The following PUM3 variants were observed in gnomAD, a reference collection of about 807,000 sequenced individuals.
PUM3 encodes the protein pumilio homolog 3.
In PUM3, 91 loss-of-function variants were observed where a neutral mutation model predicts 84.0. The ratio of observed to expected loss-of-function variants is 1.08; its 90% CI spans 0.91 to 1.29. The LOEUF is 1.29. Ranked by LOEUF, PUM3 falls within the 50% of genes most tolerant of loss-of-function variation. PUM3 has a pLI of 0.00. For missense variants in PUM3, 1,067 were observed against 767.5 expected, an observed-to-expected ratio of 1.39 and a Z score of -4.61; for synonymous variants, 321 against 266.7, an observed-to-expected ratio of 1.20 and a Z score of -1.98.
Position 2,823,809 on chromosome 9 carries a change from A to G in PUM3, c.1160T>C (p.Met387Thr). 6.5e-7 allele frequency: 1 copy of G among 1,530,088 alleles called. No homozygotes were observed. The highest frequency in any genetic ancestry group is 8.9e-7 in the Non-Finnish European group (1 of 1,120,626). The allele number at this position is 1,530,088 out of a possible 1,614,324, so 94.8% of individuals were successfully genotyped here. A position where few individuals can be genotyped will look rare whatever the true frequency, so the allele number is the denominator to read the frequency against. Residue 387 changes from methionine to threonine, a missense_variant, in exon 12 of 18, where the codon ATG (methionine) becomes ACG (threonine). Met to Thr is a moderately conservative substitution (Grantham distance 81). Coordinates refer to ENST00000397885, the MANE Select transcript of PUM3 (RefSeq NM_014878.5). ...PKDRKVIVKTMKTYVEKVANG... is the reference protein window; with the variant it reads ...PKDRKVIVKTTKTYVEKVANG... ...AGCCACCTTTTCAACATAAGTCTTCATTGTTTTCACAATCACTTTCCTGTC... is the reference window on the plus strand; with the variant it reads ...AGCCACCTTTTCAACATAAGTCTTCGTTGTTTTCACAATCACTTTCCTGTC...
intron 12 of PUM3, among the ~76,000 whole-genome samples, chr9:2,822,263 T>A (rs117457836): frequency 6.6e-6 from 1 of 152,146 alleles, no homozygotes; most frequent in Non-Finnish European, 1.5e-5. Flanking sequence ...TTTGATCTAA[T>A]TGACAAATAT....
chr9:2,806,182 G>T (rs1367962864), intron 17 of PUM3, among the ~76,000 whole-genome samples: 1 of 152,130 alleles, frequency 6.6e-6, no homozygotes, highest in Non-Finnish European at 1.5e-5. Flanking sequence ...GAAATTTCCA[G>T]TTAATTGAGT....
Position 2,807,796 on chromosome 9 carries a change from G to A in PUM3, c.1814+18C>T. 6.5e-7 allele frequency: 1 copy of A among 1,533,460 alleles called. No individual in the cohort carries two copies. Among genetic ancestry groups the A allele is most frequent in the Non-Finnish European group, 9.0e-7 (1 of 1,107,638 alleles). 95.0% of individuals were successfully genotyped at this position (1,533,460 alleles called of 1,614,324 possible). A position where few individuals can be genotyped will look rare whatever the true frequency, so the allele number is the denominator to read the frequency against. On this transcript the variant is annotated intron_variant, in intron 17 of 17. Transcript: ENST00000397885. The stretch of plus-strand genomic sequence containing the variant: ...CATGACCAGGCCCTGCTCAGAGAAG[G>A]GCACATGTTATACATACCTAGAAAG...
chr9:2,815,864 A>T (rs910582913), intron 13 of PUM3, among the ~76,000 whole-genome samples: 21 of 152,222 alleles, frequency 1.4e-4, no homozygotes, highest in Admixed American at 6.5e-5. Context: ...ATTTCTTCTT[A>T]AGCTCTAAAG....
At position 2,833,469 on chromosome 9, in the gene PUM3, A is replaced by G. The variant is rs185998968; in HGVS notation, c.441-37T>C. 3.3e-4 allele frequency: 397 copies of G among 1,191,394 alleles called. 8 individuals are homozygous for G. In the East Asian group the frequency reaches 6.9e-3, roughly 21 times the overall value. 73.8% of individuals were successfully genotyped at this position (1,191,394 alleles called of 1,614,324 possible). A position where few individuals can be genotyped will look rare whatever the true frequency, so the allele number is the denominator to read the frequency against. The stretch of plus-strand genomic sequence containing the variant: ...GAGAGGAAGGAAACACAGTTGAAAT[A>G]AAGAAGTTATTTTAAACACACAAAA... On this transcript the variant is annotated intron_variant, in intron 4 of 17. Coordinates refer to ENST00000397885, the MANE Select transcript of PUM3 (RefSeq NM_014878.5).
At chr9:2,834,754 T>G (rs1403630926) in intron 3 of PUM3, among the ~76,000 whole-genome samples, 1 of 152,128 alleles carries the variant, frequency 6.6e-6, no homozygotes, top group African/African-American at 2.4e-5. Flanking sequence ...GAAACAACCC[T>G]CTGCTGTCTT....
chr9:2,827,569 T>C (rs986696610), intron 9 of PUM3, among the ~76,000 whole-genome samples: 1 of 152,240 alleles, frequency 6.6e-6, no homozygotes, highest in African/African-American at 2.4e-5. Context: ...AAAATAATTT[T>C]AGCAGAATTA....
chr9:2,817,600 CAT>C (rs1293470039), intron 13 of PUM3, among the ~76,000 whole-genome samples: 5 of 152,054 alleles, frequency 3.3e-5, no homozygotes, highest in Admixed American at 1.3e-4. Flanking sequence ...AAATTAGATA[CAT>C]GTTTTACAAA....
intron 16 of PUM3, 28 bp downstream of exon 16, chr9:2,810,316 C>A (rs760456537): frequency 7.0e-7 from 1 of 1,438,282 alleles, no homozygotes. Context: ...ACATGAGATA[C>A]AAGAAAAGGT....
intron 13 of PUM3, 149 bp from the exon 14 acceptor site, chr9:2,812,511 G>A: frequency 1.7e-6 from 1 of 579,528 alleles, no homozygotes; most frequent in Non-Finnish European, 3.0e-6. Context: ...CTGCCAAAGT[G>A]AGCACAATGT....
chr9:2,824,554 T>C (rs1003381521), intron 11 of PUM3, among the ~76,000 whole-genome samples, 163 bp downstream of exon 11: 1 of 152,252 alleles, frequency 6.6e-6, no homozygotes, highest in Admixed American at 6.5e-5. Flanking sequence ...CTAAAGAAGA[T>C]GGCTCATTCC....
intron 13 of PUM3, 94 bp downstream of exon 13, chr9:2,819,924 G>T (rs1301432902): frequency 4.1e-6 from 3 of 725,158 alleles, no homozygotes; most frequent in Non-Finnish European, 7.2e-6. Flanking sequence ...AGGCACAGCT[G>T]CAAGTCTTTA....
chr9:2,840,162 A>G (rs1022345945), intron 1 of PUM3, among the ~76,000 whole-genome samples: 1 of 152,228 alleles, frequency 6.6e-6, no homozygotes, highest in Non-Finnish European at 1.5e-5. Context: ...CAAGAGGTAC[A>G]TGACATTAAC....
At chr9:2,816,733 G>A (rs1821477415) in intron 13 of PUM3, among the ~76,000 whole-genome samples, 1 of 152,176 alleles carries the variant, frequency 6.6e-6, no homozygotes, top group African/African-American at 2.4e-5. Context: ...AGCCCTGGGT[G>A]AGATCATGAT....
chr9:2,829,459 T>C (rs1316191340), intron 8 of PUM3, among the ~76,000 whole-genome samples: 3 of 152,202 alleles, frequency 2.0e-5, no homozygotes, highest in Non-Finnish European at 4.4e-5. Flanking sequence ...GTCACACAAC[T>C]TTGCTAACTA....
In PUM3 at chr9:2,812,343, G is replaced by C. The variant is rs191107173; in HGVS notation, c.1289C>G (p.Pro430Arg). 2 of 1,574,604 alleles carry C rather than the reference G, an allele frequency of 1.3e-6. No individual in the cohort carries two copies. The highest frequency in any genetic ancestry group is 2.2e-5 in the East Asian group (1 of 44,680). The change falls in exon 14 of 18, where the codon CCT becomes CGT. Residue 430 changes from proline (P) to arginine (R), a missense_variant. Pro to Arg is a moderately radical substitution (Grantham distance 103). Coordinates refer to ENST00000397885, the MANE Select transcript of PUM3 (RefSeq NM_014878.5). ...TCCATATTTGTCATTTACTATGCTA[G>C]GCAATGAACTGATAATTTCCTATAA... is the stretch of plus-strand genomic sequence containing the variant. ...IIISEIISSL[P>R]SIVNDKYGRK...
chr9:2,830,018 T>G (rs1174971759), intron 7 of PUM3, 70 bp from the exon 8 acceptor site: 17 of 1,399,564 alleles, frequency 1.2e-5, no homozygotes, highest in Admixed American at 5.4e-5. Flanking sequence ...AAACACAACT[T>G]ACTTCTCCCA....
Position 2,831,350 on chromosome 9 carries a change from G to T in PUM3, c.517-6C>A. ...GAATCGTGTGCAAATGCAATCTGCA[G>T]GAAAAAGTTTGAGTTAGACTAATTC... On this transcript the variant is annotated splice_region_variant and splice_polypyrimidine_tract_variant and intron_variant, in intron 5 of 17. Transcript: ENST00000397885. The T allele has an allele frequency of 6.3e-7, 1 of 1,586,902 alleles. No individual in the cohort carries two copies. Among genetic ancestry groups the T allele is most frequent in the Non-Finnish European group, 8.6e-7 (1 of 1,160,478 alleles).
In PUM3 at chr9:2,815,846, T is replaced by C. The variant is rs530168838; in HGVS notation, c.1270-3484A>G. Among the ~76,000 whole-genome samples the C allele has an allele frequency of 8.5e-5, 13 of 152,332 alleles. No homozygotes were observed. The East Asian group carries it at 2.5e-3, about 29-fold the overall frequency. On this transcript the variant is annotated intron_variant, in intron 13 of 17. Transcript: ENST00000397885. ...TTACAGAAAATTCACAAAGGCCCAT[T>C]TATTGTAATTTCTTCTTAAGCTCTA...
Sources: gnomAD v4.1 joint callset for allele counts (sites outside exome capture counted in the v4.1 genomes callset) on GRCh38, gnomAD v4.1.1 for gene constraint, MANE v1.5 for transcripts, NCBI Gene and HGNC (gene_info 2026-07-23, HGNC 2026-07-21) for gene names.